ATP8B1: variants seen among roughly 807,000 people sequenced by gnomAD.
ATP8B1 encodes phospholipid-transporting ATPase IC.
In ATP8B1, 80 loss-of-function variants were observed where a neutral mutation model predicts 149.9. That is an observed-to-expected ratio of 0.53 (90% CI 0.45 to 0.64). The LOEUF is 0.64. Ranked by LOEUF, ATP8B1 falls within the 30% of genes least tolerant of loss-of-function variation. ATP8B1 has a pLI of 0.00. For missense variants in ATP8B1, 1,247 were observed against 1,552.6 expected (o/e 0.80, Z 3.31); for synonymous variants, 536 against 562.8 (o/e 0.95, Z 0.67).
chr18:57,672,908 A>G lies in ATP8B1; in HGVS notation c.1820-1328T>C, dbSNP rs1188883727. On this transcript the variant is annotated intron_variant, in intron 16 of 27. Transcript: ENST00000648908. ...AAAGTATATATATATATATATATAT[A>G]TATATATATATATATATATATATAA... Among the ~76,000 whole-genome samples the G allele has an allele frequency of 1.1e-3, 81 of 74,334 alleles. 2 individuals carry two copies. Among genetic ancestry groups the G allele is most frequent in the East Asian group, 2.2e-3 (4 of 1,824 alleles). 48.8% of individuals were successfully genotyped at this position (74,334 alleles called of 152,430 possible).
chr18:57,769,348 T>C (rs1306787426), intron 1 of ATP8B1, among the ~76,000 whole-genome samples: 3 of 152,164 alleles, frequency 2.0e-5, no homozygotes, highest in African/African-American at 4.8e-5. Flanking sequence ...ATGCCTTCCT[T>C]GGGTTCAAAT....
intron 1 of ATP8B1, among the ~76,000 whole-genome samples, chr18:57,750,342 T>C (rs2080004787): frequency 6.6e-6 from 1 of 152,202 alleles, no homozygotes; most frequent in Non-Finnish European, 1.5e-5. Context: ...CAAAGAAAAT[T>C]ACTGAAAAGC....
intron 2 of ATP8B1, among the ~76,000 whole-genome samples, chr18:57,713,220 C>CTTTCT (rs1913803867): frequency 8.8e-6 from 1 of 113,314 alleles, no homozygotes; most frequent in African/African-American, 3.6e-5. Context: ...TCCTTCCTTC[C>CTTTCT]TTCCTTCCTT....
intron 12 of ATP8B1, among the ~76,000 whole-genome samples, chr18:57,690,296 G>T (rs995282850): frequency 6.6e-6 from 1 of 152,206 alleles, no homozygotes; most frequent in Non-Finnish European, 1.5e-5. Context: ...GAGGTGGGCT[G>T]AGGTGCAGAA....
intron 20 of ATP8B1, among the ~76,000 whole-genome samples, chr18:57,664,192 T>G (rs913644884): frequency 6.6e-6 from 1 of 151,282 alleles, no homozygotes; most frequent in Non-Finnish European, 1.5e-5. Flanking sequence ...CAGTTGAAAA[T>G]GTATACACAG....
In ATP8B1 at chr18:57,675,116, A is replaced by C. The variant is rs2122753052; in HGVS notation, c.1631-94T>G. 2.2e-6 allele frequency: 3 copies of C among 1,336,678 alleles called. No homozygotes were observed. The East Asian group carries it at 7.3e-5, about 32-fold the overall frequency. The allele number at this position is 1,336,678 out of a possible 1,614,324, so 82.8% of individuals were successfully genotyped here. A position where few individuals can be genotyped will look rare whatever the true frequency, so the allele number is the denominator to read the frequency against. On this transcript the variant is annotated intron_variant, in intron 15 of 27. Transcript: ENST00000648908. ...CTGCTGAGGCTCCTGTGGGGGTCAGATGGGCTGCAAAGCCCAAAACATCCC... is the reference window on the plus strand; with the variant it reads ...CTGCTGAGGCTCCTGTGGGGGTCAGCTGGGCTGCAAAGCCCAAAACATCCC...
At chr18:57,775,394 A>AGGAGAGGGGCGGAATGGAGG (rs1450651524) in intron 1 of ATP8B1, among the ~76,000 whole-genome samples, 1 of 151,634 alleles carries the variant, frequency 6.6e-6, no homozygotes, top group Non-Finnish European at 1.5e-5. Context: ...GGAAGGAGGA[A>AGGAGAGGGGCGGAATGGAGG]GGAGAGGGGC....
At chr18:57,670,957 C>T (rs370187427) in intron 17 of ATP8B1, among the ~76,000 whole-genome samples, 1 of 152,184 alleles carries the variant, frequency 6.6e-6, no homozygotes, top group Non-Finnish European at 1.5e-5. Context: ...GATACACCCG[C>T]CTTGGCCTCC....
intron 24 of ATP8B1, among the ~76,000 whole-genome samples, chr18:57,653,274 TTTC>T (rs1909750237): frequency 6.8e-6 from 1 of 146,074 alleles, no homozygotes; most frequent in Non-Finnish European, 1.5e-5. Flanking sequence ...TTTTTTTCCT[TTTC>T]TTTTCTTTTT....
intron 1 of ATP8B1, among the ~76,000 whole-genome samples, chr18:57,779,401 T>C (rs1455784494): frequency 5.3e-5 from 8 of 151,896 alleles, no homozygotes; most frequent in Non-Finnish European, 1.2e-4. Flanking sequence ...CAAACCAGCA[T>C]TGAGAGAGGC....
chr18:57,756,305 A>ATATATATATATATATG (rs374550138), intron 1 of ATP8B1, among the ~76,000 whole-genome samples: 21,705 of 105,742 alleles, frequency 0.21, 3,583 homozygotes, highest in Middle Eastern at 0.37. Context: ...GTGTATGTAT[A>ATATATATATATATATG]TATATATATA....
At chr18:57,673,713 T>G (rs546432044) in intron 16 of ATP8B1, among the ~76,000 whole-genome samples, 1 of 151,876 alleles carries the variant, frequency 6.6e-6, no homozygotes, top group South Asian at 2.1e-4. Context: ...TAAATGAAAT[T>G]TCATTATGTT....
intron 1 of ATP8B1, among the ~76,000 whole-genome samples, chr18:57,777,506 C>T (rs2019535): frequency 0.68 from 103,041 of 152,092 alleles, 35,195 homozygotes; most frequent in Admixed American, 0.75. Context: ...TGGCCCGTGC[C>T]TTTGGGTAGG....
chr18:57,736,524 A>G (rs368428), intron 1 of ATP8B1, among the ~76,000 whole-genome samples: 24,514 of 145,692 alleles, frequency 0.17, 2,839 homozygotes, highest in East Asian at 0.5. Flanking sequence ...GTAGTAGGAC[A>G]ATCATAGCTC....
intron 13 of ATP8B1, among the ~76,000 whole-genome samples, chr18:57,688,043 A>G (rs1326182449): frequency 6.6e-6 from 1 of 152,082 alleles, no homozygotes; most frequent in Non-Finnish European, 1.5e-5. Flanking sequence ...TCACCCTCCC[A>G]AAGTGCTGGG....
In ATP8B1 at chr18:57,802,973, C is replaced by G. The variant is rs1037041289; in HGVS notation, c.-26+25G>C. ...CAAGGGGCTTGGGAAGGTCTGGGGG[C>G]CCCCGGCGCCGCACCCCTGCTTACC... On this transcript the variant is annotated intron_variant, in intron 1 of 27. Coordinates refer to ENST00000648908, the MANE Select transcript of ATP8B1 (RefSeq NM_001374385.1). The surrounding 1 kb of genome is among the most constrained non-coding windows in gnomAD (Gnocchi z 4.9). The G allele has an allele frequency of 2.0e-5, 3 of 152,244 alleles. No homozygotes were observed. The highest frequency in any genetic ancestry group is 2.9e-5 in the Non-Finnish European group (2 of 68,052). 9.4% of individuals were successfully genotyped at this position (152,244 alleles called of 1,614,324 possible). A position where few individuals can be genotyped will look rare whatever the true frequency, so the allele number is the denominator to read the frequency against.
chr18:57,766,766 G>A (rs149309706), intron 1 of ATP8B1, among the ~76,000 whole-genome samples: 73 of 152,312 alleles, frequency 4.8e-4, no homozygotes, highest in African/African-American at 1.6e-3. Context: ...TGTAGGTAAA[G>A]AAGCAGTTTC....
intron 21 of ATP8B1, among the ~76,000 whole-genome samples, chr18:57,661,674 T>TAC (rs1360057007): frequency 5.6e-3 from 220 of 39,566 alleles, no homozygotes; most frequent in African/African-American, 0.018. Flanking sequence ...TGTGTATGTA[T>TAC]ATACACACAC....
chr18:57,757,227 A>T lies in ATP8B1; in HGVS notation c.-25-25395T>A, dbSNP rs182448364. On this transcript the variant is annotated intron_variant, in intron 1 of 27. Coordinates refer to ENST00000648908, the MANE Select transcript of ATP8B1 (RefSeq NM_001374385.1). ...GTCCACATGGTCCCTGGTTTGGCCA[A>T]TCAAAGCACTTTCAAGCTAGCACTG... Among the ~76,000 whole-genome samples, 5 of 152,178 alleles carry T rather than the reference A, an allele frequency of 3.3e-5. No homozygotes were observed. The South Asian group carries it at 6.2e-4, about 19-fold the overall frequency.
Sources: allele counts gnomAD v4.1 joint callset (sites outside exome capture counted in the v4.1 genomes callset), GRCh38; gene constraint gnomAD v4.1.1; non-coding constraint Gnocchi (gnomAD v3.1); transcripts MANE v1.5; gene names NCBI Gene and HGNC (gene_info 2026-07-23, HGNC 2026-07-21).